The following SMAD9 variants were observed in gnomAD, a reference collection of about 807,000 sequenced individuals.
SMAD9 encodes SMAD family member 9.
A neutral mutation model predicts 46.1 loss-of-function variants in SMAD9; 36 were observed. The ratio of observed to expected loss-of-function variants is 0.78; its 90% CI spans 0.60 to 1.03. SMAD9 has a LOEUF of 1.03. Among genes scored for constraint, SMAD9 ranks in the 50% least tolerant of loss-of-function variants. SMAD9 has a pLI of 0.00. For synonymous variants in SMAD9, 245 were observed against 237.1 expected (o/e 1.03, Z -0.31); for missense variants, 572 against 599.8 (o/e 0.95, Z 0.48).
intron 1 of SMAD9, among the ~76,000 whole-genome samples, chr13:36,904,438 C>T (rs2058602345): frequency 6.6e-6 from 1 of 152,232 alleles, no homozygotes; most frequent in South Asian, 2.1e-4. Context: ...TTGCCCTATG[C>T]AATCATCCCA....
intron 5 of SMAD9, among the ~76,000 whole-genome samples, chr13:36,863,219 T>A (rs1004981211): frequency 3.3e-5 from 5 of 152,210 alleles, no homozygotes; most frequent in African/African-American, 1.2e-4. Context: ...GAAGACTGAC[T>A]GCCCTTGCTT....
chr13:36,918,875 C>T (rs1370127571), intron 1 of SMAD9, among the ~76,000 whole-genome samples: 3 of 152,314 alleles, frequency 2.0e-5, no homozygotes, highest in East Asian at 3.9e-4. Context: ...ACAAACGTTC[C>T]GCTCAGTTAC....
At chr13:36,897,769 T>C (rs1180079400) in intron 1 of SMAD9, among the ~76,000 whole-genome samples, 1 of 151,920 alleles carries the variant, frequency 6.6e-6, no homozygotes, top group Non-Finnish European at 1.5e-5. Flanking sequence ...GCTCAATTCA[T>C]GCAGTTCATG....
chr13:36,859,661 T>C (rs1451862806), intron 5 of SMAD9, among the ~76,000 whole-genome samples: 1 of 152,150 alleles, frequency 6.6e-6, no homozygotes, highest in Non-Finnish European at 1.5e-5. Context: ...CTGTTTAGCA[T>C]ATAATCAGGA....
At chr13:36,903,277 C>T (rs1771653105) in intron 1 of SMAD9, among the ~76,000 whole-genome samples, 1 of 151,984 alleles carries the variant, frequency 6.6e-6, no homozygotes, top group Non-Finnish European at 1.5e-5. Flanking sequence ...CGGGCACGCG[C>T]CACCACACCA....
chr13:36,886,108 TG>T (rs1427348258), intron 1 of SMAD9, among the ~76,000 whole-genome samples: 1 of 152,206 alleles, frequency 6.6e-6, no homozygotes, highest in Non-Finnish European at 1.5e-5. Flanking sequence ...CTGTCACAGC[TG>T]CATGTGCTCA....
chr13:36,853,678 G>A lies in SMAD9; in HGVS notation c.1004-3C>T, dbSNP rs781348023. The stretch of plus-strand genomic sequence containing the variant: ...CCCGACGTAGTACAAGTGCACACCT[G>A]CAGACACAAAAACACAGCCTTCCTT... On this transcript the variant is annotated splice_polypyrimidine_tract_variant and splice_region_variant and intron_variant, in intron 5 of 6. Transcript: ENST00000379826. 6.2e-6 allele frequency: 10 copies of A among 1,613,742 alleles called. No individual in the cohort carries two copies. In the South Asian group the frequency reaches 1.1e-4, roughly 18 times the overall value.
chr13:36,904,277 G>A (rs1424992141), intron 1 of SMAD9, among the ~76,000 whole-genome samples: 1 of 152,146 alleles, frequency 6.6e-6, no homozygotes, highest in East Asian at 1.9e-4. Flanking sequence ...TCTGATACCT[G>A]GTGGGAGTTA....
Position 36,847,288 on chromosome 13 carries a change from C to G in SMAD9, c.*1388G>C, listed in dbSNP as rs2058043604. On this transcript the variant is annotated 3_prime_UTR_variant, in exon 7 of 7. Transcript: ENST00000379826. ...TGGATTACTGAAGTGCTGTCTGTTA[C>G]AAGCATAACTGCCATCTTAAATTGT... 6.6e-6 allele frequency: 1 copy of G among 152,154 alleles called. No individual in the cohort carries two copies. Among genetic ancestry groups the G allele is most frequent in the African/African-American group, 2.4e-5 (1 of 41,442 alleles). 9.4% of individuals were successfully genotyped at this position (152,154 alleles called of 1,614,324 possible).
At chr13:36,892,050 G>C (rs2058492553) in intron 1 of SMAD9, among the ~76,000 whole-genome samples, 2 of 152,130 alleles carry the variant, frequency 1.3e-5, no homozygotes, top group South Asian at 4.1e-4. Flanking sequence ...CAGAGTACAA[G>C]ACCATGTTGA....
intron 1 of SMAD9, among the ~76,000 whole-genome samples, chr13:36,880,836 A>C (rs2058396619): frequency 6.6e-6 from 1 of 152,214 alleles, no homozygotes; most frequent in Non-Finnish European, 1.5e-5. Context: ...GTTTTAAATA[A>C]AAATATTTTA....
chr13:36,874,259 G>A (rs927806980), intron 2 of SMAD9, among the ~76,000 whole-genome samples: 5 of 152,118 alleles, frequency 3.3e-5, no homozygotes, highest in Admixed American at 3.3e-4. Context: ...AATTAATGAA[G>A]AAAAGATCCA....
chr13:36,848,634 A>C lies in SMAD9; in HGVS notation c.*42T>G. On this transcript the variant is annotated 3_prime_UTR_variant, in exon 7 of 7. Transcript: ENST00000379826. ...TGAAATGATACAAGCCACTCCCTGCAATAGCCTCTATCCTATGGAAATGCA... is the reference window on the plus strand; with the variant it reads ...TGAAATGATACAAGCCACTCCCTGCCATAGCCTCTATCCTATGGAAATGCA... 1.2e-6 allele frequency: 2 copies of C among 1,600,178 alleles called. No homozygotes were observed. The highest frequency in any genetic ancestry group is 2.2e-5 in the South Asian group (2 of 90,778).
intron 1 of SMAD9, among the ~76,000 whole-genome samples, chr13:36,892,553 A>G (rs2058496307): frequency 6.6e-6 from 1 of 152,206 alleles, no homozygotes; most frequent in Non-Finnish European, 1.5e-5. Flanking sequence ...TATAAATTTA[A>G]CCATCATTTG....
At chr13:36,871,667 C>A (rs1451679853) in intron 3 of SMAD9, among the ~76,000 whole-genome samples, 1 of 152,146 alleles carries the variant, frequency 6.6e-6, no homozygotes, top group Non-Finnish European at 1.5e-5. Flanking sequence ...AATAGACACA[C>A]AGGAATTATA....
intron 1 of SMAD9, among the ~76,000 whole-genome samples, chr13:36,919,565 A>C (rs2138741659): frequency 6.6e-6 from 1 of 152,036 alleles, no homozygotes; most frequent in South Asian, 2.1e-4. Flanking sequence ...GTGGCCCCCA[A>C]AGAGTCACAA....
intron 3 of SMAD9, 147 bp from the exon 4 acceptor site, chr13:36,867,530 T>C (rs2058247342): frequency 1.8e-6 from 1 of 546,800 alleles, no homozygotes; most frequent in Non-Finnish European, 3.2e-6. Flanking sequence ...ACAAGGCTCT[T>C]CTGAAGTGAC....
intron 2 of SMAD9, among the ~76,000 whole-genome samples, chr13:36,878,952 T>C (rs1462611925): frequency 6.6e-6 from 1 of 152,200 alleles, no homozygotes; most frequent in African/African-American, 2.4e-5. Flanking sequence ...GAAAATATCT[T>C]CTTTCTAGAT....
At chr13:36,897,716 T>C (rs2058539889) in intron 1 of SMAD9, among the ~76,000 whole-genome samples, 1 of 152,194 alleles carries the variant, frequency 6.6e-6, no homozygotes, top group Admixed American at 6.5e-5. Context: ...CTTACTTGAT[T>C]GGGTAAAAAA....
Sources: allele counts gnomAD v4.1 joint callset (sites outside exome capture counted in the v4.1 genomes callset), GRCh38; gene constraint gnomAD v4.1.1; transcripts MANE v1.5; gene names NCBI Gene and HGNC (gene_info 2026-07-23, HGNC 2026-07-21).